The following HNF4G variants were observed in gnomAD, a reference collection of about 807,000 sequenced individuals.
HNF4G encodes hepatocyte nuclear factor 4-gamma.
HNF4G carries 21 observed loss-of-function variants against 50.9 expected under a neutral mutation model. That is an observed-to-expected ratio of 0.41 (90% CI 0.29 to 0.59). HNF4G has a LOEUF of 0.59. Ranked by LOEUF, HNF4G falls within the 20% of genes least tolerant of loss-of-function variation. HNF4G has a pLI of 0.26. For missense variants in HNF4G, 527 were observed against 559.4 expected (o/e 0.94, Z 0.58); for synonymous variants, 198 against 185.6 (o/e 1.07, Z -0.54).
rs2130823658 is a variant in HNF4G, at chr8:75,564,082, C to A, written c.1354C>A (p.Gln452Lys). Residue 452 changes from glutamine (Q) to lysine (K), a missense_variant, in exon 10 of 10, where the codon CAA (glutamine) becomes AAA (lysine). This residue lies in a region of HNF4G where 308 missense variants were observed against 301.5 expected (regional missense o/e 1.02). Transcript: ENST00000396423. The stretch of plus-strand genomic sequence containing the variant: ...CATTTCACACCAGCATCTCTCCAAA[C>A]AAAAGCAATTGTGAAAATGTGTTTA... ...SVISHQHLSK[Q>K]KQL The A allele has an allele frequency of 6.2e-7, 1 of 1,613,404 alleles. No homozygotes were observed. The highest frequency in any genetic ancestry group is 8.5e-7 in the Non-Finnish European group (1 of 1,179,540).
At chr8:75,457,221 C>T (rs1457833294) in intron 1 of HNF4G, among the ~76,000 whole-genome samples, 2 of 152,178 alleles carry the variant, frequency 1.3e-5, no homozygotes, top group Non-Finnish European at 2.9e-5. Context: ...GACCCACATA[C>T]ATCAGTTTTA....
intron 1 of HNF4G, among the ~76,000 whole-genome samples, chr8:75,439,248 A>G (rs1811214576): frequency 6.6e-6 from 1 of 152,086 alleles, no homozygotes; most frequent in South Asian, 2.1e-4. Context: ...GCCTGGGATT[A>G]CAGGTGGATG....
Position 75,521,624 on chromosome 8 carries a change from C to T in HNF4G, c.-23-22187C>T, listed in dbSNP as rs149822428. On this transcript the variant is annotated intron_variant, in intron 2 of 10. Transcript: ENST00000354370. ...GTTTCAGCCAGTTGAAGCTATGATC[C>T]GAGATAAATGTGTACTGTTACTACA... 6.0e-3 allele frequency among the ~76,000 whole-genome samples: 907 copies of T among 152,124 alleles called. 5 individuals carry two copies. The highest frequency in any genetic ancestry group is 0.011 in the Non-Finnish European group (723 of 67,990).
intron 1 of HNF4G, among the ~76,000 whole-genome samples, chr8:75,435,519 T>C (rs541793202): frequency 2.0e-4 from 31 of 152,272 alleles, no homozygotes; most frequent in African/African-American, 7.2e-4. Flanking sequence ...AATTCAACAT[T>C]GTACTACAGA....
intron 1 of HNF4G, among the ~76,000 whole-genome samples, chr8:75,463,587 T>G (rs568107710): frequency 6.6e-6 from 1 of 152,208 alleles, no homozygotes; most frequent in East Asian, 1.9e-4. Context: ...ATAATATGGG[T>G]AAGCATTCAT....
chr8:75,525,541 G>C (rs765259773), intron 2 of HNF4G, among the ~76,000 whole-genome samples: 1 of 152,176 alleles, frequency 6.6e-6, no homozygotes, highest in Non-Finnish European at 1.5e-5. Flanking sequence ...TCTGGGACCT[G>C]AAAAGACATG....
At position 75,451,151 on chromosome 8, in the gene HNF4G, A is replaced by G. The variant is rs1445787664; in HGVS notation, c.-143-38938A>G. 9.2e-5 allele frequency among the ~76,000 whole-genome samples: 14 copies of G among 152,008 alleles called. 1 individual carries two copies. In the South Asian group the frequency reaches 2.3e-3, roughly 25 times the overall value. On this transcript the variant is annotated intron_variant, in intron 1 of 10. Coordinates refer to the HNF4G transcript ENST00000354370. ...ATGCCTTTTTTTTTGAGAAATGTCT[A>G]TTCTGGTCCTTCGCCCATTTTGGGG...
intron 8 of HNF4G, among the ~76,000 whole-genome samples, chr8:75,559,401 G>C (rs1358126305): frequency 6.6e-6 from 1 of 152,048 alleles, no homozygotes; most frequent in Non-Finnish European, 1.5e-5. Flanking sequence ...AGCCTCCGGA[G>C]TAGCTGGGAC....
intron 2 of HNF4G, among the ~76,000 whole-genome samples, chr8:75,518,752 T>C (rs78212231): frequency 5.3e-5 from 8 of 152,018 alleles, no homozygotes; most frequent in Non-Finnish European, 4.4e-5. Flanking sequence ...CTTTTTTTTT[T>C]CCTCCTAGAC....
At chr8:75,518,645 A>T (rs1805957620) in intron 2 of HNF4G, among the ~76,000 whole-genome samples, 1 of 152,132 alleles carries the variant, frequency 6.6e-6, no homozygotes, top group South Asian at 2.1e-4. Context: ...CAATGGCCTG[A>T]GCTCTATGTT....
intron 1 of HNF4G, among the ~76,000 whole-genome samples, chr8:75,431,926 CA>C (rs35551312): frequency 1.0e-4 from 14 of 138,428 alleles, no homozygotes; most frequent in East Asian, 4.2e-4. Flanking sequence ...AACTCCATCT[CA>C]AAAAAAAAAA....
At chr8:75,479,782 CT>C (rs1812332373) in intron 1 of HNF4G, among the ~76,000 whole-genome samples, 1 of 151,898 alleles carries the variant, frequency 6.6e-6, no homozygotes, top group Non-Finnish European at 1.5e-5. Context: ...AAGAACATTT[CT>C]TTATCTTCTG....
At chr8:75,498,202 CCA>C (rs1812829013) in intron 2 of HNF4G, among the ~76,000 whole-genome samples, 2 of 151,966 alleles carry the variant, frequency 1.3e-5, no homozygotes, top group African/African-American at 4.8e-5. Flanking sequence ...AAGCCCATAT[CCA>C]ATTTTTGGGT....
chr8:75,461,976 G>A (rs1324006671), intron 1 of HNF4G, among the ~76,000 whole-genome samples: 2 of 149,830 alleles, frequency 1.3e-5, no homozygotes, highest in Non-Finnish European at 3.0e-5. Context: ...GGAGTGCAGT[G>A]GTGCCATCTC....
upstream of HNF4G, among the ~76,000 whole-genome samples, chr8:75,536,263 GC>G (rs1417067118): frequency 6.6e-6 from 1 of 151,836 alleles, no homozygotes; most frequent in African/African-American, 2.4e-5. Context: ...GAAAATGTGT[GC>G]TACTTATTAT....
intron 6 of HNF4G, 60 bp from the exon 7 acceptor site, chr8:75,558,458 G>A (rs749068145): frequency 3.3e-6 from 5 of 1,519,676 alleles, no homozygotes; most frequent in Non-Finnish European, 4.5e-6. Flanking sequence ...AAACAGTGCT[G>A]ACAATTTGGG....
At chr8:75,439,641 T>A (rs1811226622) in intron 1 of HNF4G, among the ~76,000 whole-genome samples, 1 of 152,084 alleles carries the variant, frequency 6.6e-6, no homozygotes, top group Admixed American at 6.5e-5. Flanking sequence ...ATCACATCTT[T>A]ACTTGGGATC....
At chr8:75,443,908 G>A (rs1365942472) in intron 1 of HNF4G, among the ~76,000 whole-genome samples, 1 of 152,094 alleles carries the variant, frequency 6.6e-6, no homozygotes, top group African/African-American at 2.4e-5. Flanking sequence ...TGTCAAACTA[G>A]ATATTAATTA....
At chr8:75,507,027 T>TGATA (rs1235087077) in intron 2 of HNF4G, among the ~76,000 whole-genome samples, 1 of 152,204 alleles carries the variant, frequency 6.6e-6, no homozygotes, top group Non-Finnish European at 1.5e-5. Flanking sequence ...ATATAATAGA[T>TGATA]GATAGATAGA....
Sources: allele counts gnomAD v4.1 joint callset (sites outside exome capture counted in the v4.1 genomes callset), GRCh38; gene constraint gnomAD v4.1.1; regional missense constraint gnomAD v4.1.1; transcripts MANE v1.5; gene names NCBI Gene and HGNC (gene_info 2026-07-23, HGNC 2026-07-21).